The following RADIL variants were observed in gnomAD, a reference collection of about 807,000 sequenced individuals.
RADIL encodes the protein Rap associating with DIL domain, also known as ras-associating and dilute domain-containing protein.
In RADIL, 99 loss-of-function variants were observed where a neutral mutation model predicts 97.6. That is an observed-to-expected ratio of 1.01 (90% CI 0.86 to 1.20). The LOEUF (loss-of-function observed/expected upper bound fraction) is 1.20, where lower values mean the gene tolerates loss of function less well. RADIL is among the 50% of genes most tolerant of loss of function. The probability of loss-of-function intolerance (pLI) is 0.00; values close to 1 mark genes in which losing one functional copy is unlikely to be tolerated. For missense variants in RADIL, 1,765 were observed against 1,498.9 expected (o/e 1.18, Z -2.93); for synonymous variants, 803 against 691.8 (o/e 1.16, Z -2.52).
At chr7:4,828,024 G>C (rs543762871) in intron 5 of RADIL, among the ~76,000 whole-genome samples, 3 of 152,068 alleles carry the variant, frequency 2.0e-5, no homozygotes, top group African/African-American at 7.2e-5. Context: ...TCAAAACCAC[G>C]AGACGCCACC....
rs768989877 is a variant in RADIL, at chr7:4,834,736, GC to G, written c.1286del (p.Gly429AlafsTer6). ...AGGCGGGGGTCAGCTTGTGGTCGTC[GC>G]CCCCCGGCTCGATCAACGTCATGAT... The part of the protein sequence containing the change: ...QRIMTLIEPG[G>X]DDHKLTPAFL... On this transcript the variant is annotated frameshift_variant, in exon 4 of 15. Coordinates refer to ENST00000399583, the MANE Select transcript of RADIL (RefSeq NM_018059.5). LOFTEE classifies it high-confidence loss of function. The surrounding 1 kb of genome is among the most constrained non-coding windows in gnomAD (Gnocchi z 6.0). The G allele has an allele frequency of 1.1e-5, 15 of 1,409,948 alleles. No homozygotes were observed. The highest frequency in any genetic ancestry group is 7.2e-5 in the South Asian group (4 of 55,620). The allele number at this position is 1,409,948 out of a possible 1,614,324, so 87.3% of individuals were successfully genotyped here.
At chr7:4,869,644 G>T (rs573946211) in intron 2 of RADIL, among the ~76,000 whole-genome samples, 10 of 151,816 alleles carry the variant, frequency 6.6e-5, no homozygotes, top group African/African-American at 2.4e-4. Context: ...ATTCCCACAG[G>T]GTATTTGGTC....
chr7:4,823,940 T>C (rs1782904372), intron 5 of RADIL, among the ~76,000 whole-genome samples: 1 of 152,244 alleles, frequency 6.6e-6, no homozygotes, highest in East Asian at 1.9e-4. Flanking sequence ...ACAAGATGCC[T>C]GGGACGCCCC....
intron 2 of RADIL, among the ~76,000 whole-genome samples, chr7:4,841,772 AAGAAG>A (rs1783445472): frequency 6.6e-6 from 1 of 152,212 alleles, no homozygotes; most frequent in Non-Finnish European, 1.5e-5. Context: ...CTGACATTTT[AAGAAG>A]AGAACACAAG....
chr7:4,810,237 C>T (rs1163299073), intron 9 of RADIL, among the ~76,000 whole-genome samples: 1 of 152,190 alleles, frequency 6.6e-6, no homozygotes, highest in Non-Finnish European at 1.5e-5. Flanking sequence ...GATCACAGCT[C>T]ACTGCAAACC....
chr7:4,850,222 A>AG (rs796611848), intron 2 of RADIL, among the ~76,000 whole-genome samples: 103 of 149,834 alleles, frequency 6.9e-4, no homozygotes, highest in African/African-American at 2.3e-3. Context: ...CCTTTAAAAA[A>AG]AAAAAAAAAA....
intron 2 of RADIL, among the ~76,000 whole-genome samples, chr7:4,843,817 C>T (rs186132295): frequency 1.4e-5 from 2 of 145,412 alleles, no homozygotes; most frequent in African/African-American, 5.1e-5. Context: ...GAGGCTGAGA[C>T]AAGAGAATTG....
rs118067555 is a variant in RADIL at position 4,837,243 on chromosome 7, C to T, written c.536-638G>A. 3.2e-3 allele frequency among the ~76,000 whole-genome samples: 492 copies of T among 152,318 alleles called. 4 individuals are homozygous for T. Among genetic ancestry groups the T allele is most frequent in the Non-Finnish European group, 5.3e-3 (363 of 68,022 alleles). Reference sequence around the variant, plus strand: ...CGGCCTGCCCGACCAGCCAGCACCACGGCCCACAGGCCTCAAACCACAGAC... The same window carrying T: ...CGGCCTGCCCGACCAGCCAGCACCATGGCCCACAGGCCTCAAACCACAGAC... On this transcript the variant is annotated intron_variant, in intron 2 of 14. Transcript: ENST00000399583. The surrounding 1 kb of genome is among the most constrained non-coding windows in gnomAD (Gnocchi z 5.6).
intron 4 of RADIL, among the ~76,000 whole-genome samples, chr7:4,833,118 C>T (rs1020398782): frequency 6.6e-6 from 1 of 152,118 alleles, no homozygotes; most frequent in African/African-American, 2.4e-5. Context: ...AGTGGGCCAG[C>T]CACACAGCGA....
chr7:4,847,739 CAAAAA>C (rs56177809), intron 2 of RADIL, among the ~76,000 whole-genome samples: 809 of 23,754 alleles, frequency 0.034, 3 homozygotes, highest in South Asian at 0.072. Flanking sequence ...AAGCTAGATG[CAAAAA>C]AAAAAAAAAA....
In RADIL at chr7:4,847,739, C is replaced by CAAAAAAAAAAAAAAAAAAAAAAA. The variant is rs56177809; in HGVS notation, c.536-11157_536-11135dup. 5.9e-4 allele frequency among the ~76,000 whole-genome samples: 14 copies of CAAAAAAAAAAAAAAAAAAAAAAA among 23,808 alleles called. 2 individuals are homozygous for CAAAAAAAAAAAAAAAAAAAAAAA. Among genetic ancestry groups the CAAAAAAAAAAAAAAAAAAAAAAA allele is most frequent in the Admixed American group, 1.5e-3 (2 of 1,306 alleles). 15.6% of individuals were successfully genotyped at this position (23,808 alleles called of 152,430 possible). A position where few individuals can be genotyped will look rare whatever the true frequency, so the allele number is the denominator to read the frequency against. On this transcript the variant is annotated intron_variant, in intron 2 of 14. Transcript: ENST00000399583. Reference sequence around the variant, plus strand: ...TATGCTACGTGAAAAAAGCTAGATGCAAAAAAAAAAAAAAAAAAAAAAAAA... The same window carrying CAAAAAAAAAAAAAAAAAAAAAAA: ...TATGCTACGTGAAAAAAGCTAGATGCAAAAAAAAAAAAAAAAAAAAAAAAAAAAAAAAAAAAAAAAAAAAAAAA...
rs1358465149 is a variant in RADIL at position 4,805,555 on chromosome 7, G to A, written c.2290+11C>T. 1 of 1,578,388 alleles carries A rather than the reference G, an allele frequency of 6.3e-7. No individual in the cohort carries two copies. Among genetic ancestry groups the A allele is most frequent in the South Asian group, 1.1e-5 (1 of 89,024 alleles). On this transcript the variant is annotated intron_variant, in intron 10 of 14. Transcript: ENST00000399583. Reference sequence around the variant, plus strand: ...GTCCCCAGCCCTCTCCTGCCCTGGGGCAGGGCTTACCTGACCTGAAGGCCT... The same window carrying A: ...GTCCCCAGCCCTCTCCTGCCCTGGGACAGGGCTTACCTGACCTGAAGGCCT...
intron 14 of RADIL, 27 bp from the exon 15 acceptor site, chr7:4,799,510 G>A (rs750620301): frequency 6.2e-7 from 1 of 1,613,534 alleles, no homozygotes; most frequent in South Asian, 1.1e-5. Context: ...AGGTGGGGGT[G>A]GGCAGGAGGG....
intron 2 of RADIL, among the ~76,000 whole-genome samples, chr7:4,864,209 C>T (rs1230077556): frequency 2.6e-5 from 4 of 152,180 alleles, no homozygotes; most frequent in East Asian, 1.9e-4. Flanking sequence ...TGATTTCCAT[C>T]TTCTTTGACC....
intron 9 of RADIL, chr7:4,809,031 C>T: frequency 1.1e-6 from 1 of 904,382 alleles, no homozygotes. Context: ...CCCTTGTCCC[C>T]TTCCGACGCC....
chr7:4,869,716 C>T (rs150229039), intron 2 of RADIL, among the ~76,000 whole-genome samples: 400 of 152,306 alleles, frequency 2.6e-3, no homozygotes, highest in African/African-American at 9.1e-3. Context: ...CCTAAAACCA[C>T]ATAGTTTCAA....
At chr7:4,803,959 G>C (rs376449324) in intron 10 of RADIL, 2 of 667,516 alleles carry the variant, frequency 3.0e-6, no homozygotes, top group Non-Finnish European at 5.5e-6. Flanking sequence ...CCGACCACCC[G>C]GTGTGACATC....
At chr7:4,861,834 G>GCACCTCCCCCACCACCGCGACCTT in intron 2 of RADIL, 1 of 1,268,418 alleles carries the variant, frequency 7.9e-7, no homozygotes, top group Non-Finnish European at 1.0e-6. Flanking sequence ...CCCCGCCAGG[G>GCACCTCCCCCACCACCGCGACCTT]CACGTCCCCC....
At chr7:4,852,673 G>T (rs1783737657) in intron 2 of RADIL, among the ~76,000 whole-genome samples, 3 of 152,126 alleles carry the variant, frequency 2.0e-5, no homozygotes, top group Middle Eastern at 3.2e-3. Context: ...GCACAGAGTG[G>T]CTGGGATTAC....
Sources: gnomAD v4.1 joint callset for allele counts (sites outside exome capture counted in the v4.1 genomes callset) on GRCh38, gnomAD v4.1.1 for gene constraint, Gnocchi (gnomAD v3.1) non-coding constraint, MANE v1.5 for transcripts, NCBI Gene and HGNC (gene_info 2026-07-23, HGNC 2026-07-21) for gene names.